SCAMP4: variants seen among roughly 807,000 people sequenced by gnomAD.
The protein encoded by SCAMP4 is secretory carrier-associated membrane protein 4.
A neutral mutation model predicts 32.1 loss-of-function variants in SCAMP4; 19 were observed. The observed-to-expected ratio is 0.59, with a 90% CI of 0.41 to 0.87. The LOEUF (loss-of-function observed/expected upper bound fraction) is 0.87. SCAMP4 is among the 40% of genes least tolerant of loss of function. The probability of loss-of-function intolerance (pLI) is 0.00; values close to 1 mark genes in which losing one functional copy is unlikely to be tolerated. For missense variants in SCAMP4, 302 were observed against 309.0 expected (o/e 0.98, Z 0.17); for synonymous variants, 152 against 132.7 (o/e 1.15, Z -1.00).
intron 1 of SCAMP4, chr19:1,913,331 T>C (rs990866727): frequency 1.1e-6 from 1 of 934,892 alleles, no homozygotes; most frequent in Non-Finnish European, 1.6e-6. Context: ...GACTCGGTCA[T>C]TGGGGCCACC....
intron 1 of SCAMP4, chr19:1,913,034 C>G (rs765637931): frequency 6.2e-7 from 1 of 1,604,178 alleles, no homozygotes; most frequent in South Asian, 1.1e-5. Flanking sequence ...CGCCCTCGCC[C>G]GACGGCGCCC....
rs1035501365 is a variant in SCAMP4, at chr19:1,905,399, A to T, written c.-82A>T. On this transcript the variant is annotated 5_prime_UTR_variant, in exon 1 of 7. Transcript: ENST00000316097. ...GGTGGGTTGGGCCGGGCCGGTTGCT[A>T]AGACTTGGCGAAGCGCTGCGCTCGC... is the stretch of plus-strand genomic sequence containing the variant. 2.2e-6 allele frequency: 1 copy of T among 464,008 alleles called. No homozygotes were observed. The highest frequency in any genetic ancestry group is 2.0e-5 in the African/African-American group (1 of 49,234). The allele number at this position is 464,008 out of a possible 1,614,324, so 28.7% of individuals were successfully genotyped here.
In SCAMP4 at chr19:1,919,228, G is replaced by A. The variant is rs1290753787; in HGVS notation, c.395+238G>A. On this transcript the variant is annotated intron_variant, in intron 5 of 6. Transcript: ENST00000316097. Reference sequence around the variant, plus strand: ...CTCTCCTAGGGAGGGGTCCGAGCTCGCCCTGGCAGTGCCTGCGTCCTCGCC... The same window carrying A: ...CTCTCCTAGGGAGGGGTCCGAGCTCACCCTGGCAGTGCCTGCGTCCTCGCC... 3.1e-5 allele frequency: 42 copies of A among 1,373,524 alleles called. No homozygotes were observed. The African/African-American group carries it at 3.4e-4, about 11-fold the overall frequency. 85.1% of individuals were successfully genotyped at this position (1,373,524 alleles called of 1,614,324 possible). A position where few individuals can be genotyped will look rare whatever the true frequency, so the allele number is the denominator to read the frequency against.
chr19:1,925,117 G>C lies in SCAMP4; in HGVS notation c.*833G>C, dbSNP rs2014056993. 2 of 19,220 alleles carry C rather than the reference G, an allele frequency of 1.0e-4. No individual in the cohort carries two copies. The highest frequency in any genetic ancestry group is 1.0e-4 in the Non-Finnish European group (1 of 9,618). 1.2% of individuals were successfully genotyped at this position (19,220 alleles called of 1,614,324 possible). ...TTTTGTTTTGTTTTTTCTCTTTTGAGACAAGAGTTTCACTCTGTCGCCCAG... is the reference window on the plus strand; with the variant it reads ...TTTTGTTTTGTTTTTTCTCTTTTGACACAAGAGTTTCACTCTGTCGCCCAG... On this transcript the variant is annotated 3_prime_UTR_variant, in exon 7 of 7. Coordinates refer to ENST00000316097, the MANE Select transcript of SCAMP4 (RefSeq NM_079834.4).
rs2013251024 is a variant in SCAMP4 at position 1,908,378 on chromosome 19, C to A, written c.-42+2939C>A. On this transcript the variant is annotated intron_variant, in intron 1 of 6. Transcript: ENST00000316097. This position sits in a 1 kb window ranked among gnomAD's most constrained non-coding sequence, Gnocchi z 4.2. ...GGAGTTCCACTGGCTGCTGGTCCCC[C>A]ATCTGTGGGGCGCCCCGGCGGCTGA... 1 of 404,852 alleles carries A rather than the reference C, an allele frequency of 2.5e-6. No individual in the cohort carries two copies. Among genetic ancestry groups the A allele is most frequent in the Non-Finnish European group, 5.1e-6 (1 of 195,656 alleles). The allele number at this position is 404,852 out of a possible 1,614,324, so 25.1% of individuals were successfully genotyped here.
chr19:1,923,847 A>T (rs7248688), intron 6 of SCAMP4, among the ~76,000 whole-genome samples: 2 of 126,078 alleles, frequency 1.6e-5, no homozygotes, highest in Admixed American at 1.8e-4. Context: ...GGATGGTCTC[A>T]ATCTCCTGAC....
At chr19:1,913,030 C>T (rs768825659) in intron 1 of SCAMP4, 4 of 1,604,158 alleles carry the variant, frequency 2.5e-6, no homozygotes, top group East Asian at 2.2e-5. Context: ...GGTGCGCCCT[C>T]GCCCGACGGC....
At chr19:1,912,391 C>T (rs1459872678) in intron 1 of SCAMP4, 7 of 1,517,980 alleles carry the variant, frequency 4.6e-6, no homozygotes, top group Middle Eastern at 1.8e-4. Context: ...CTGGCTGGGC[C>T]GGCCTCGGGC....
chr19:1,912,859 C>T, intron 1 of SCAMP4: 2 of 1,598,774 alleles, frequency 1.3e-6, no homozygotes, highest in Non-Finnish European at 1.7e-6. Context: ...GCCCCGGCCG[C>T]TGCCCCCCAG....
intron 1 of SCAMP4, chr19:1,912,575 G>A: frequency 6.7e-7 from 1 of 1,497,116 alleles, no homozygotes; most frequent in Non-Finnish European, 8.8e-7. Flanking sequence ...CCAGCGCCCT[G>A]GCTGGGCGGC....
intron 1 of SCAMP4, chr19:1,913,539 C>T (rs1474355007): frequency 4.2e-6 from 1 of 235,640 alleles, no homozygotes; most frequent in South Asian, 6.7e-5. Flanking sequence ...CCGGAGGGGA[C>T]CTGCTGAGCC....
At position 1,920,981 on chromosome 19, in the gene SCAMP4, A is replaced by C. The variant is rs939057612; in HGVS notation, c.395+1991A>C. On this transcript the variant is annotated intron_variant, in intron 5 of 6. Coordinates refer to ENST00000316097, the MANE Select transcript of SCAMP4 (RefSeq NM_079834.4). ...CCGCAGGTCACGGGAGAAGCTGAGC[A>C]TGCGGTCCCTGCCCGAGGTGGACAG... is the stretch of plus-strand genomic sequence containing the variant. 5.1e-6 allele frequency: 5 copies of C among 985,318 alleles called. No homozygotes were observed. The African/African-American group carries it at 8.7e-5, about 17-fold the overall frequency. 61.0% of individuals were successfully genotyped at this position (985,318 alleles called of 1,614,324 possible).
At chr19:1,907,166 G>C (rs961026016) in intron 1 of SCAMP4, 7 of 151,720 alleles carry the variant, frequency 4.6e-5, no homozygotes, top group Non-Finnish European at 7.4e-5. Flanking sequence ...CAGCCTGGGG[G>C]ACAGAGTGAG....
rs1599260818 is a variant in SCAMP4 at position 1,924,923 on chromosome 19, C to G, written c.*639C>G. Reference sequence around the variant, plus strand: ...GTCCAGGGTATCCTGGGGCCACCCTCCCTGCCTCCAAAACAGGGATCCCTG... The same window carrying G: ...GTCCAGGGTATCCTGGGGCCACCCTGCCTGCCTCCAAAACAGGGATCCCTG... On this transcript the variant is annotated 3_prime_UTR_variant, in exon 7 of 7. Transcript: ENST00000316097. 1 of 152,618 alleles carries G rather than the reference C, an allele frequency of 6.6e-6. No individual in the cohort carries two copies. The highest frequency in any genetic ancestry group is 1.5e-5 in the Non-Finnish European group (1 of 68,388). The allele number at this position is 152,618 out of a possible 1,614,324, so 9.5% of individuals were successfully genotyped here. A position where few individuals can be genotyped will look rare whatever the true frequency, so the allele number is the denominator to read the frequency against.
chr19:1,921,056 G>T (rs1276700527), intron 5 of SCAMP4: 1 of 985,310 alleles, frequency 1.0e-6, no homozygotes, highest in Non-Finnish European at 1.2e-6. Flanking sequence ...GGAGAGCCCG[G>T]CCCCCCTTGT....
intron 5 of SCAMP4, 25 bp downstream of exon 5, chr19:1,919,015 G>T: frequency 6.3e-7 from 1 of 1,584,276 alleles, no homozygotes; most frequent in Non-Finnish European, 8.6e-7. Flanking sequence ...GATGGGCGTG[G>T]TGGCTGTGAT....
chr19:1,907,647 C>T (rs1359823630), intron 1 of SCAMP4, among the ~76,000 whole-genome samples: 1 of 152,184 alleles, frequency 6.6e-6, no homozygotes, highest in Non-Finnish European at 1.5e-5. Context: ...TGTCACCACG[C>T]AGGGTCTGAC....
At chr19:1,905,518 T>G in intron 1 of SCAMP4, 79 bp downstream of exon 1, 1 of 365,652 alleles carries the variant, frequency 2.7e-6, no homozygotes, top group Non-Finnish European at 6.0e-6. Flanking sequence ...ACATGGGGGG[T>G]CTCGGCGGTG....
At position 1,923,709 on chromosome 19, in the gene SCAMP4, CTG is replaced by C. The variant is rs1262778150; in HGVS notation, c.514-398_514-397del. Among the ~76,000 whole-genome samples the C allele has an allele frequency of 7.6e-4, 115 of 151,044 alleles. 4 individuals are homozygous for C. The highest frequency in any genetic ancestry group is 2.6e-3 in the African/African-American group (107 of 40,994). ...TCTCTGCTCACTGCAAGCTCCGCCT[CTG>C]GGGTTCATGCCATTCTCCTGCCTCA... On this transcript the variant is annotated intron_variant, in intron 6 of 6. Coordinates refer to ENST00000316097, the MANE Select transcript of SCAMP4 (RefSeq NM_079834.4).
Sources: gnomAD v4.1 joint callset for allele counts (sites outside exome capture counted in the v4.1 genomes callset) on GRCh38, gnomAD v4.1.1 for gene constraint, Gnocchi (gnomAD v3.1) non-coding constraint, MANE v1.5 for transcripts, NCBI Gene and HGNC (gene_info 2026-07-23, HGNC 2026-07-21) for gene names.